Variants in CREB5 observed in about 807,000 individuals in gnomAD.
The protein encoded by CREB5 is cyclic AMP-responsive element-binding protein 5.
In CREB5, 19 loss-of-function variants were observed where a neutral mutation model predicts 57.1. That is an observed-to-expected ratio of 0.33 (90% CI 0.23 to 0.49). CREB5 has a LOEUF of 0.49. CREB5 is among the 20% of genes least tolerant of loss of function. The probability of loss-of-function intolerance (pLI) is 0.99; values close to 1 mark genes in which losing one functional copy is unlikely to be tolerated. For missense variants in CREB5, 579 were observed against 671.6 expected, an observed-to-expected ratio of 0.86 and a Z score of 1.52; for synonymous variants, 238 against 238.3, an observed-to-expected ratio of 1.00 and a Z score of 0.01.
chr7:28,588,245 A>G (rs1796370486), intron 5 of CREB5, among the ~76,000 whole-genome samples: 1 of 152,190 alleles, frequency 6.6e-6, no homozygotes, highest in South Asian at 2.1e-4. Context: ...TGTAGGACCT[A>G]TATTGTAAAG....
intron 5 of CREB5, among the ~76,000 whole-genome samples, chr7:28,636,749 C>T (rs1298656393): frequency 1.3e-5 from 2 of 152,084 alleles, no homozygotes; most frequent in African/African-American, 4.8e-5. Flanking sequence ...GTCTTTTTGT[C>T]TTCATCCTTA....
At chr7:28,629,383 A>G (rs1798119346) in intron 5 of CREB5, among the ~76,000 whole-genome samples, 1 of 152,244 alleles carries the variant, frequency 6.6e-6, no homozygotes, top group Non-Finnish European at 1.5e-5. Context: ...CGTGCGGGTC[A>G]GCCAAGCTGT....
At chr7:28,767,705 A>G (rs942778715) in intron 7 of CREB5, among the ~76,000 whole-genome samples, 2 of 152,228 alleles carry the variant, frequency 1.3e-5, no homozygotes, top group Non-Finnish European at 2.9e-5. Flanking sequence ...TTTCCACATA[A>G]AAGAAAGTCA....
At chr7:28,357,167 A>T (rs56035327) in intron 1 of CREB5, among the ~76,000 whole-genome samples, 9,919 of 152,234 alleles carry the variant, frequency 0.065, 375 homozygotes, top group East Asian at 0.15. Context: ...AGAGAGAGTT[A>T]AGGGAAGGCT....
chr7:28,817,252 A>T (rs185858760), intron 9 of CREB5, among the ~76,000 whole-genome samples: 1 of 152,282 alleles, frequency 6.6e-6, no homozygotes. Flanking sequence ...CCCTGAGCTG[A>T]CATCATCCAC....
At chr7:28,574,490 G>T (rs1795829568) in intron 5 of CREB5, among the ~76,000 whole-genome samples, 1 of 152,172 alleles carries the variant, frequency 6.6e-6, no homozygotes, top group South Asian at 2.1e-4. Context: ...AATCTTAATA[G>T]ATCCCAGCTT....
At position 28,461,696 on chromosome 7, in the gene CREB5, G is replaced by A. The variant is rs180940001; in HGVS notation, c.4-26479G>A. ...TTTCCCAACAGATGATTAGTAAAAC[G>A]ATTTCGTGAATGTGATTGAGTATGT... On this transcript the variant is annotated intron_variant, in intron 1 of 10. Coordinates refer to ENST00000357727, the MANE Select transcript of CREB5 (RefSeq NM_182898.4). Among the ~76,000 whole-genome samples, 5 of 152,212 alleles carry A rather than the reference G, an allele frequency of 3.3e-5. No homozygotes were observed. In the East Asian group the frequency reaches 9.6e-4, roughly 29 times the overall value.
intron 7 of CREB5, among the ~76,000 whole-genome samples, chr7:28,791,061 C>T (rs1807677990): frequency 6.6e-6 from 1 of 152,164 alleles, no homozygotes; most frequent in Non-Finnish European, 1.5e-5. Context: ...ATCAAATCCA[C>T]ACCAAATCTT....
rs530597414 is a variant in CREB5 at position 28,347,246 on chromosome 7, G to A, written c.-25+47805G>A. Among the ~76,000 whole-genome samples the A allele has an allele frequency of 1.4e-4, 22 of 152,330 alleles. No homozygotes were observed. The South Asian group carries it at 4.6e-3, about 32-fold the overall frequency. ...CTTAGACTGATATTAATGTTTGATT[G>A]TGAGATTTCCAGTGTGTTGTTCCAG... On this transcript the variant is annotated intron_variant, in intron 1 of 9. Transcript: ENST00000396299.
intron 5 of CREB5, among the ~76,000 whole-genome samples, chr7:28,636,887 G>A (rs1281278099): frequency 6.6e-6 from 1 of 152,150 alleles, no homozygotes; most frequent in Non-Finnish European, 1.5e-5. Context: ...TGAGTGCAGT[G>A]GCTCATGCCT....
chr7:28,765,189 G>C (rs1805896303), intron 7 of CREB5, among the ~76,000 whole-genome samples: 1 of 152,138 alleles, frequency 6.6e-6, no homozygotes, highest in Non-Finnish European at 1.5e-5. Flanking sequence ...GATCATACGT[G>C]TCATGATAGA....
chr7:28,632,100 G>A (rs1490507834), intron 5 of CREB5, among the ~76,000 whole-genome samples: 1 of 152,168 alleles, frequency 6.6e-6, no homozygotes, highest in Non-Finnish European at 1.5e-5. Context: ...AGCTTGGACC[G>A]TGTTCTTCCC....
At chr7:28,776,039 T>C (rs1806605805) in intron 7 of CREB5, among the ~76,000 whole-genome samples, 1 of 152,136 alleles carries the variant, frequency 6.6e-6, no homozygotes, top group Admixed American at 6.6e-5. Context: ...TGAGCTTAAC[T>C]AGAAAGTTAA....
chr7:28,357,562 T>C (rs1786372270), intron 1 of CREB5, among the ~76,000 whole-genome samples: 1 of 152,182 alleles, frequency 6.6e-6, no homozygotes, highest in Non-Finnish European at 1.5e-5. Context: ...ACTTAAGCAA[T>C]GAAGAAAAAG....
intron 7 of CREB5, among the ~76,000 whole-genome samples, chr7:28,746,939 T>A (rs1426546132): frequency 6.6e-6 from 1 of 152,216 alleles, no homozygotes; most frequent in Non-Finnish European, 1.5e-5. Context: ...GGTGGAAACA[T>A]GAGGCTCTAG....
chr7:28,773,127 T>TA (rs1340323737), intron 7 of CREB5, among the ~76,000 whole-genome samples: 4 of 152,132 alleles, frequency 2.6e-5, no homozygotes, highest in African/African-American at 9.7e-5. Context: ...ATCTGTTTTT[T>TA]AAAATTAATA....
At chr7:28,760,033 A>G (rs947811105) in intron 7 of CREB5, among the ~76,000 whole-genome samples, 1 of 152,144 alleles carries the variant, frequency 6.6e-6, no homozygotes, top group African/African-American at 2.4e-5. Flanking sequence ...TGCCCCCTTC[A>G]TTAGCTGATG....
At chr7:28,458,893 C>A (rs1277717070) in intron 1 of CREB5, among the ~76,000 whole-genome samples, 26 of 152,198 alleles carry the variant, frequency 1.7e-4, no homozygotes, top group Admixed American at 1.7e-3. Flanking sequence ...AGGCGAGAAG[C>A]CAAGGCTTTG....
chr7:28,442,504 T>A (rs1169514956), intron 1 of CREB5, among the ~76,000 whole-genome samples: 1 of 151,942 alleles, frequency 6.6e-6, no homozygotes, highest in Non-Finnish European at 1.5e-5. Context: ...GTAGTTTTTT[T>A]TGTTTGTTTT....
Sources: gnomAD v4.1 joint callset for allele counts (sites outside exome capture counted in the v4.1 genomes callset) on GRCh38, gnomAD v4.1.1 for gene constraint, MANE v1.5 for transcripts, NCBI Gene and HGNC (gene_info 2026-07-23, HGNC 2026-07-21) for gene names.